ACOT6: variants seen among roughly 807,000 people sequenced by gnomAD.
The protein encoded by ACOT6 is acyl-CoA thioesterase 6.
Under a neutral mutation model 12.3 loss-of-function variants are expected in ACOT6, and 14 were observed. That is an observed-to-expected ratio of 1.14 (90% CI 0.75 to 1.78). The LOEUF is 1.78. Ranked by LOEUF, ACOT6 falls within the 40% of genes most tolerant of loss-of-function variation. The pLI is 0.00. For missense variants in ACOT6, 523 were observed against 551.8 expected (o/e 0.95, Z 0.52); for synonymous variants, 218 against 231.3 (o/e 0.94, Z 0.52).
chr14:73,619,888 A>T lies in ACOT6; in HGVS notation c.*49A>T. Reference sequence around the variant, plus strand: ...CATTAATAAAAATCCTATTCATACAACTTGTGTTGGGTTTTCTTTCTTTCT... The same window carrying T: ...CATTAATAAAAATCCTATTCATACATCTTGTGTTGGGTTTTCTTTCTTTCT... On this transcript the variant is annotated 3_prime_UTR_variant, in exon 3 of 3. Transcript: ENST00000645972. 5 of 1,490,222 alleles carry T rather than the reference A, an allele frequency of 3.4e-6. No homozygotes were observed. Among genetic ancestry groups the T allele is most frequent in the South Asian group, 2.8e-5 (2 of 71,254 alleles). 92.3% of individuals were successfully genotyped at this position (1,490,222 alleles called of 1,614,324 possible). A position where few individuals can be genotyped will look rare whatever the true frequency, so the allele number is the denominator to read the frequency against.
In ACOT6 at chr14:73,617,001, T is replaced by C; in HGVS notation, c.469T>C (p.Phe157Leu). 1.4e-6 allele frequency: 1 copy of C among 715,216 alleles called. No individual in the cohort carries two copies. The allele number at this position is 715,216 out of a possible 1,614,324, so 44.3% of individuals were successfully genotyped here. ...GTGATGTTCTCCAGGCAGGGGGCCC[T>C]TTCCTGGGATCATTGATCTGTTTGG... ...ALFLPPDEGP[F>L]PGIIDLFGSS... is the part of the protein sequence containing the mutation. Residue 157 changes from phenylalanine (F) to leucine (L), a missense_variant, in exon 2 of 3, where the codon TTT (phenylalanine) becomes CTT (leucine). Phe to Leu is a conservative substitution (Grantham distance 22). Around this residue, in one of 2 missense-constraint regions of ACOT6, gnomAD observed 304 missense variants for 274.8 expected, o/e 1.11. Transcript: ENST00000645972.
At position 73,619,809 on chromosome 14, in the gene ACOT6, T is replaced by TA. The variant is rs767170401; in HGVS notation, c.1242dup (p.Ser415IlefsTer11). The TA allele has an allele frequency of 1.2e-6, 2 of 1,607,476 alleles. No individual in the cohort carries two copies. The highest frequency in any genetic ancestry group is 1.1e-5 in the South Asian group (1 of 89,904). ...CTTTCTTCCATAAACATCTCAATGG[T>TA]AAAAAATCTGTCAAGCACAGCAAAA... On this transcript the variant is annotated frameshift_variant, in exon 3 of 3. Coordinates refer to ENST00000645972, the MANE Select transcript of ACOT6 (RefSeq NM_001365788.1). LOFTEE classifies it high-confidence loss of function.
rs1031356433 is a variant in ACOT6 at position 73,613,023 on chromosome 14, C to T, written c.452C>T (p.Pro151Leu). The T allele has an allele frequency of 3.9e-5, 34 of 866,104 alleles. No individual in the cohort carries two copies. The African/African-American group carries it at 4.9e-4, about 12-fold the overall frequency. 53.7% of individuals were successfully genotyped at this position (866,104 alleles called of 1,614,324 possible). The change falls in exon 1 of 3, where the codon CCG (proline) becomes CTG (leucine). Residue 151 changes from proline (P) to leucine (L), a missense_variant. Coordinates refer to ENST00000645972, the MANE Select transcript of ACOT6 (RefSeq NM_001365788.1). The stretch of plus-strand genomic sequence containing the variant: ...CCGGTGCGCGCCGCGCTCTTCCTGC[C>T]GCCGGATGAGTAGTCTGCCCAGAAT... ...AGPVRAALFL[P>L]PDEGPFPGII... is the part of the protein sequence containing the mutation.
chr14:73,618,058 G>A (rs1890570234), intron 2 of ACOT6, among the ~76,000 whole-genome samples: 1 of 151,918 alleles, frequency 6.6e-6, no homozygotes, highest in Non-Finnish European at 1.5e-5. Flanking sequence ...CAGGAGAATT[G>A]CTCGAACTCA....
Position 73,612,783 on chromosome 14 carries a change from G to T in ACOT6, c.212G>T (p.Ser71Ile). ...GAGCGCGCGCCCGCGCTGGGAGGCA[G>T]CTTCGCGGGGCTCCAGCCCATGGGG... ...DLERAPALGG[S>I]FAGLQPMGLL... Residue 71 changes from serine (S) to isoleucine (I), a missense_variant, in exon 1 of 3, where the codon AGC becomes ATC. Physicochemically the swap from Ser to Ile is moderately radical, Grantham distance 142. Coordinates refer to ENST00000645972, the MANE Select transcript of ACOT6 (RefSeq NM_001365788.1). 7.3e-7 allele frequency: 1 copy of T among 1,362,476 alleles called. No homozygotes were observed. The highest frequency in any genetic ancestry group is 1.5e-5 in the African/African-American group (1 of 65,092). 84.4% of individuals were successfully genotyped at this position (1,362,476 alleles called of 1,614,324 possible).
rs766799550 is a variant in ACOT6, at chr14:73,619,582, A to G, written c.1009A>G (p.Ile337Val). The change falls in exon 3 of 3, where the codon ATA becomes GTA. Residue 337 changes from isoleucine (I) to valine (V), a missense_variant. Coordinates refer to ENST00000645972, the MANE Select transcript of ACOT6 (RefSeq NM_001365788.1). The stretch of plus-strand genomic sequence containing the variant: ...CTGGAAGAGTGAATTCTATGCTCAG[A>G]TAGCCTCTGAAAGGCTACAAGCTCA... ...QSWKSEFYAQ[I>V]ASERLQAHGK... 1.2e-6 allele frequency: 2 copies of G among 1,614,210 alleles called. No individual in the cohort carries two copies. Among genetic ancestry groups the G allele is most frequent in the Non-Finnish European group, 8.5e-7 (1 of 1,180,040 alleles).
chr14:73,616,123 T>G (rs1253018567), intron 1 of ACOT6, among the ~76,000 whole-genome samples: 1 of 152,070 alleles, frequency 6.6e-6, no homozygotes, highest in South Asian at 2.1e-4. Context: ...AGTGCCATCA[T>G]GCCCAGCTAG....
upstream of ACOT6, chr14:73,611,380 C>T (rs1166632738): frequency 6.6e-6 from 1 of 152,260 alleles, no homozygotes; most frequent in African/African-American, 2.4e-5. Context: ...AGGTACAACT[C>T]CTATCAGACT....
Position 73,613,058 on chromosome 14 carries a change from C to T in ACOT6, c.461+26C>T, listed in dbSNP as rs1164451743. ...GTAGTCTGCCCAGAATTTGGTCGAG[C>T]TCTGCGACCCCCACCGGCCCCTTTC... On this transcript the variant is annotated intron_variant, in intron 1 of 2. Transcript: ENST00000645972. 4 of 633,290 alleles carry T rather than the reference C, an allele frequency of 6.3e-6. No individual in the cohort carries two copies. In the East Asian group the frequency reaches 1.4e-4, roughly 22 times the overall value. 39.2% of individuals were successfully genotyped at this position (633,290 alleles called of 1,614,324 possible). A position where few individuals can be genotyped will look rare whatever the true frequency, so the allele number is the denominator to read the frequency against.
At chr14:73,613,279 T>C (rs775566795) in intron 1 of ACOT6, among the ~76,000 whole-genome samples, 1 of 152,142 alleles carries the variant, frequency 6.6e-6, no homozygotes, top group Non-Finnish European at 1.5e-5. Context: ...TACTCCAGTC[T>C]TTCCTTTTTA....
At chr14:73,614,143 G>A (rs1416866323) in intron 1 of ACOT6, among the ~76,000 whole-genome samples, 1 of 151,832 alleles carries the variant, frequency 6.6e-6, no homozygotes, top group Non-Finnish European at 1.5e-5. Flanking sequence ...AGAGGTTGCA[G>A]TGAGCTGAGA....
chr14:73,619,355 C>A lies in ACOT6; in HGVS notation c.782C>A (p.Thr261Lys). Reference protein sequence around the residue: ...TVLINACVANTVAPLHYKDMI... With the variant: ...TVLINACVANKVAPLHYKDMI... Reference sequence around the variant, plus strand: ...CTTATCAATGCCTGTGTAGCCAACACAGTAGCTCCTCTACATTACAAGGAT... The same window carrying A: ...CTTATCAATGCCTGTGTAGCCAACAAAGTAGCTCCTCTACATTACAAGGAT... Residue 261 changes from threonine to lysine, a missense_variant, in exon 3 of 3, where the codon ACA becomes AAA. Physicochemically the swap from Thr to Lys is moderately conservative, Grantham distance 78. Around this residue, in one of 2 missense-constraint regions of ACOT6, gnomAD observed 219 missense variants for 277.0 expected, o/e 0.79. Transcript: ENST00000645972. 6.2e-7 allele frequency: 1 copy of A among 1,614,142 alleles called. No individual in the cohort carries two copies. The highest frequency in any genetic ancestry group is 8.5e-7 in the Non-Finnish European group (1 of 1,180,042).
chr14:73,612,933 G>C lies in ACOT6; in HGVS notation c.362G>C (p.Cys121Ser). 1 of 1,332,592 alleles carries C rather than the reference G, an allele frequency of 7.5e-7. No individual in the cohort carries two copies. Among genetic ancestry groups the C allele is most frequent in the African/African-American group, 1.5e-5 (1 of 65,410 alleles). The allele number at this position is 1,332,592 out of a possible 1,614,324, so 82.5% of individuals were successfully genotyped here. A position where few individuals can be genotyped will look rare whatever the true frequency, so the allele number is the denominator to read the frequency against. ...GACACCGAGCCCGGGCGGCTGCTGT[G>C]CCTGGCGCAGAACAAGCGCGACTTT... ...GHDTEPGRLL[C>S]LAQNKRDFLR... The change falls in exon 1 of 3, where the codon TGC becomes TCC. Residue 121 changes from cysteine to serine, a missense_variant. Coordinates refer to ENST00000645972, the MANE Select transcript of ACOT6 (RefSeq NM_001365788.1).
rs556563667 is a variant in ACOT6, at chr14:73,615,243, C to T, written c.462-1751C>T. ...TCTACTAAAAATACAAAAAATTAGC[C>T]GGGCATGGTGGCGGGCGCCTGTAAT... On this transcript the variant is annotated intron_variant, in intron 1 of 2. Coordinates refer to ENST00000645972, the MANE Select transcript of ACOT6 (RefSeq NM_001365788.1). Among the ~76,000 whole-genome samples, 572 of 150,650 alleles carry T rather than the reference C, an allele frequency of 3.8e-3. 8 individuals are homozygous for T. The highest frequency in any genetic ancestry group is 0.026 in the Admixed American group (388 of 15,072).
Position 73,619,701 on chromosome 14 carries a change from T to C in ACOT6, c.1128T>C (p.Ala376=). The part of the protein sequence containing the change: ...YFPPSRASVH[A]VLGEAIFYGG... ...CTCCTTCTAGAGCTTCTGTGCACGCTGTTTTGGGTGAGGCAATATTCTATG... is the reference window on the plus strand; with the variant it reads ...CTCCTTCTAGAGCTTCTGTGCACGCCGTTTTGGGTGAGGCAATATTCTATG... The change falls in exon 3 of 3, where the codon GCT becomes GCC. Residue 376 remains alanine (A), a synonymous_variant. Coordinates refer to ENST00000645972, the MANE Select transcript of ACOT6 (RefSeq NM_001365788.1). 2 of 1,614,204 alleles carry C rather than the reference T, an allele frequency of 1.2e-6. No homozygotes were observed. The highest frequency in any genetic ancestry group is 1.7e-6 in the Non-Finnish European group (2 of 1,180,030).
intron 1 of ACOT6, among the ~76,000 whole-genome samples, chr14:73,616,316 T>A (rs547829214): frequency 9.8e-4 from 148 of 150,568 alleles, no homozygotes; most frequent in African/African-American, 3.0e-3. Flanking sequence ...GAAAATAATA[T>A]TATTATTATT....
chr14:73,617,848 T>G (rs552914519), intron 2 of ACOT6, among the ~76,000 whole-genome samples: 2 of 152,200 alleles, frequency 1.3e-5, no homozygotes, highest in African/African-American at 4.8e-5. Flanking sequence ...AATAATTAAT[T>G]AATTAAAACA....
chr14:73,616,509 A>G (rs898232326), intron 1 of ACOT6, among the ~76,000 whole-genome samples: 4 of 151,988 alleles, frequency 2.6e-5, no homozygotes, highest in Admixed American at 6.6e-5. Context: ...CCTGGCCAAC[A>G]TGGCAAAACC....
At chr14:73,616,492 A>T (rs1890543274) in intron 1 of ACOT6, among the ~76,000 whole-genome samples, 1 of 152,072 alleles carries the variant, frequency 6.6e-6, no homozygotes, top group African/African-American at 2.4e-5. Context: ...CAGGAGTTCA[A>T]GACCAGCCTG....
Sources: gnomAD v4.1 joint callset for allele counts (sites outside exome capture counted in the v4.1 genomes callset) on GRCh38, gnomAD v4.1.1 for gene constraint, gnomAD v4.1.1 regional missense constraint, MANE v1.5 for transcripts, NCBI Gene and HGNC (gene_info 2026-07-23, HGNC 2026-07-21) for gene names.